Variants in RIOK1 observed in about 807,000 individuals in gnomAD.
RIOK1 encodes the protein serine/threonine-protein kinase RIO1.
In RIOK1, 66 loss-of-function variants were observed where a neutral mutation model predicts 73.5. That is an observed-to-expected ratio of 0.90 (90% CI 0.74 to 1.10). RIOK1 has a LOEUF of 1.10. RIOK1 is among the 50% of genes least tolerant of loss of function. The probability of loss-of-function intolerance (pLI) is 0.00; values close to 1 mark genes in which losing one functional copy is unlikely to be tolerated. For synonymous variants in RIOK1, 224 were observed against 226.8 expected, an observed-to-expected ratio of 0.99 and a Z score of 0.11; for missense variants, 658 against 699.8, an observed-to-expected ratio of 0.94 and a Z score of 0.67.
chr6:7,391,598 T>C (rs574415475), intron 1 of RIOK1, among the ~76,000 whole-genome samples: 75 of 152,326 alleles, frequency 4.9e-4, no homozygotes, highest in Non-Finnish European at 1.6e-4. Context: ...CAGGGTATTG[T>C]AAGGATACAC....
chr6:7,403,924 T>G lies in RIOK1; in HGVS notation c.768-17T>G. On this transcript the variant is annotated splice_polypyrimidine_tract_variant and intron_variant, in intron 8 of 16. Coordinates refer to ENST00000379834, the MANE Select transcript of RIOK1 (RefSeq NM_031480.3). ...TTCAACTTTTCAGTTGTCCTTTTAT[T>G]TGTTATAATATCACAGGCTAAACAC... The G allele has an allele frequency of 6.3e-7, 1 of 1,582,018 alleles. No individual in the cohort carries two copies. The highest frequency in any genetic ancestry group is 1.7e-4 in the Middle Eastern group (1 of 5,960).
rs755827526 is a variant in RIOK1 at position 7,396,768 on chromosome 6, G to C, written c.433G>C (p.Asp145His). 1 of 1,547,588 alleles carries C rather than the reference G, an allele frequency of 6.5e-7. No homozygotes were observed. Reference sequence around the variant, plus strand: ...CGAAAAGTCTAGACAAAAGGAAGCAGATATGTAAGTAATATTTTAATAATA... The same window carrying C: ...CGAAAAGTCTAGACAAAAGGAAGCACATATGTAAGTAATATTTTAATAATA... The part of the protein sequence containing the change: ...VTEKSRQKEA[D>H]MYRIKDKADR... Residue 145 changes from aspartate (D) to histidine (H), a missense_variant, in exon 4 of 17, where the codon GAT (aspartate) becomes CAT (histidine). Physicochemically the swap from Asp to His is moderately conservative, Grantham distance 81. Transcript: ENST00000379834.
At chr6:7,395,658 C>A (rs545796787) in intron 3 of RIOK1, among the ~76,000 whole-genome samples, 1 of 151,836 alleles carries the variant, frequency 6.6e-6, no homozygotes, top group African/African-American at 2.4e-5. Context: ...TTCCCACTTG[C>A]CATAGGAATG....
chr6:7,401,198 A>G (rs1464590070), intron 6 of RIOK1, 148 bp downstream of exon 6: 3 of 641,464 alleles, frequency 4.7e-6, no homozygotes, highest in Non-Finnish European at 8.2e-6. Flanking sequence ...GAAGTTGTAC[A>G]TATAACTACG....
At chr6:7,417,184 G>A in intron 16 of RIOK1, 147 bp from the exon 17 acceptor site, 1 of 488,704 alleles carries the variant, frequency 2.0e-6, no homozygotes, top group Admixed American at 3.9e-5. Context: ...CCAGGAGGTG[G>A]AGGCTGAAGT....
chr6:7,395,330 A>G (rs942838117), intron 3 of RIOK1, among the ~76,000 whole-genome samples, 187 bp downstream of exon 3: 5 of 152,260 alleles, frequency 3.3e-5, no homozygotes, highest in South Asian at 2.1e-4. Flanking sequence ...CCTGACCAAC[A>G]TAGTGAAACC....
At chr6:7,404,786 A>C in intron 10 of RIOK1, 132 bp from the exon 11 acceptor site, 1 of 899,160 alleles carries the variant, frequency 1.1e-6, no homozygotes, top group Non-Finnish European at 1.7e-6. Context: ...TCTGTTAGTC[A>C]AGATTGCCTC....
rs756119986 is a variant in RIOK1 at position 7,392,839 on chromosome 6, C to CG, written c.72-260_72-259insG. On this transcript the variant is annotated intron_variant, in intron 1 of 16. Transcript: ENST00000379834. ...ATAACAATATAATTTCTAACTTTAA[C>CG]AAGGCAGAAGCAGATTTAACTTGAT... 7.5e-5 allele frequency: 56 copies of CG among 743,752 alleles called. No individual in the cohort carries two copies. In the Middle Eastern group the frequency reaches 2.1e-3, roughly 28 times the overall value. 46.1% of individuals were successfully genotyped at this position (743,752 alleles called of 1,614,324 possible).
intron 2 of RIOK1, among the ~76,000 whole-genome samples, chr6:7,394,193 G>A (rs1761413514): frequency 6.6e-6 from 1 of 152,186 alleles, no homozygotes; most frequent in Non-Finnish European, 1.5e-5. Flanking sequence ...CAGCACTTTG[G>A]GAGGCCGAGC....
At chr6:7,410,958 T>C (rs1761871266) in intron 13 of RIOK1, among the ~76,000 whole-genome samples, 1 of 152,188 alleles carries the variant, frequency 6.6e-6, no homozygotes. Flanking sequence ...CAGCTGGGTA[T>C]GTTTCGTAAG....
chr6:7,394,290 C>T (rs903029555), intron 2 of RIOK1, among the ~76,000 whole-genome samples: 2 of 152,048 alleles, frequency 1.3e-5, no homozygotes, highest in Non-Finnish European at 2.9e-5. Flanking sequence ...AAAAATTAGC[C>T]GGGCGTGGTG....
chr6:7,404,517 C>T lies in RIOK1; in HGVS notation c.954C>T (p.Ala318=). 3 of 1,614,082 alleles carry T rather than the reference C, an allele frequency of 1.9e-6. No individual in the cohort carries two copies. The South Asian group carries it at 3.3e-5, about 18-fold the overall frequency. Residue 318 remains alanine (A), a synonymous_variant, in exon 10 of 17, where the codon GCC becomes GCT. Transcript: ENST00000379834. ...IQYMRRMYQD[A]RLVHADLSEF... is the part of the protein sequence containing the mutation. ...ACATGAGAAGAATGTATCAGGATGC[C>T]AGACTTGTCCATGCAGATCTCAGTG...
chr6:7,412,533 C>T, intron 14 of RIOK1, among the ~76,000 whole-genome samples: 1 of 152,004 alleles, frequency 6.6e-6, no homozygotes, highest in East Asian at 1.9e-4. Context: ...CAGCTGTAAT[C>T]CCTGCTACTC....
intron 12 of RIOK1, among the ~76,000 whole-genome samples, chr6:7,410,182 T>C (rs1233956344): frequency 6.6e-6 from 1 of 152,180 alleles, no homozygotes; most frequent in Non-Finnish European, 1.5e-5. Flanking sequence ...TTTGATTTAT[T>C]GTTACTTTTG....
intron 9 of RIOK1, 34 bp downstream of exon 9, chr6:7,404,061 C>A: frequency 1.4e-6 from 2 of 1,384,278 alleles, no homozygotes; most frequent in South Asian, 1.2e-5. Context: ...ATTGCATTCT[C>A]AGAACTGTAT....
chr6:7,390,071 CAGGT>C lies in RIOK1; in HGVS notation c.71+2_71+5del. On this transcript the variant is annotated splice_donor_variant and coding_sequence_variant, in exon 1 of 17. Transcript: ENST00000379834. LOFTEE classifies it high-confidence loss of function. ...AATTCGACGACGCGGACTCCTCTGA[CAGGT>C]AGGCGGCCGTACAGTGCCCTGGCTC... 1.3e-6 allele frequency: 2 copies of C among 1,558,406 alleles called. No individual in the cohort carries two copies. Among genetic ancestry groups the C allele is most frequent in the South Asian group, 1.2e-5 (1 of 84,558 alleles).
intron 2 of RIOK1, among the ~76,000 whole-genome samples, chr6:7,394,443 A>G (rs1761421582): frequency 6.6e-6 from 1 of 152,212 alleles, no homozygotes; most frequent in African/African-American, 2.4e-5. Flanking sequence ...GTAAAAAACA[A>G]CAACAATAAA....
At chr6:7,403,131 T>G (rs543691619) in intron 8 of RIOK1, among the ~76,000 whole-genome samples, 1 of 152,364 alleles carries the variant, frequency 6.6e-6, no homozygotes, top group African/African-American at 2.4e-5. Context: ...ACTGCCACAA[T>G]TCATATTTAT....
intron 1 of RIOK1, among the ~76,000 whole-genome samples, chr6:7,390,531 A>C (rs1023402120): frequency 1.3e-5 from 2 of 152,256 alleles, no homozygotes; most frequent in Non-Finnish European, 2.9e-5. Context: ...GATGTAGACT[A>C]TGCAAATCGT....
Sources: allele counts gnomAD v4.1 joint callset (sites outside exome capture counted in the v4.1 genomes callset), GRCh38; gene constraint gnomAD v4.1.1; transcripts MANE v1.5; gene names NCBI Gene and HGNC (gene_info 2026-07-23, HGNC 2026-07-21).